Variants in SGCD observed in about 807,000 individuals in gnomAD.
The protein encoded by SGCD is delta-sarcoglycan.
A neutral mutation model predicts 36.6 loss-of-function variants in SGCD; 18 were observed. The observed-to-expected ratio is 0.49, with a 90% CI of 0.34 to 0.73. SGCD has a LOEUF of 0.73. Ranked by LOEUF, SGCD falls within the 30% of genes least tolerant of loss-of-function variation. SGCD has a pLI of 0.01. For missense variants in SGCD, 387 were observed against 346.7 expected (o/e 1.12, Z -0.92); for synonymous variants, 133 against 130.6 (o/e 1.02, Z -0.12).
intron 1 of SGCD, among the ~76,000 whole-genome samples, chr5:155,986,218 A>T (rs1340259976): frequency 3.3e-5 from 5 of 152,144 alleles, no homozygotes; most frequent in Admixed American, 2.6e-4. Context: ...TCTTTCTTGG[A>T]AATGGTGTAC....
the SGCD span, among the ~76,000 whole-genome samples, chr5:155,819,896 A>G: frequency 6.6e-6 from 1 of 152,240 alleles, no homozygotes; most frequent in South Asian, 2.1e-4. Context: ...CAGAAGTATC[A>G]TTATAACTAA....
the SGCD span, among the ~76,000 whole-genome samples, chr5:155,730,857 A>G: frequency 6.6e-6 from 1 of 152,244 alleles, no homozygotes; most frequent in South Asian, 2.1e-4. Context: ...CCTCCTAAGG[A>G]GCGCCCTCCT....
At chr5:156,155,616 A>G (rs912382091) in intron 3 of SGCD, among the ~76,000 whole-genome samples, 1 of 148,624 alleles carries the variant, frequency 6.7e-6, no homozygotes, top group Non-Finnish European at 1.5e-5. Flanking sequence ...GGGCTAGGAA[A>G]AAAAAAAAAA....
the SGCD span, among the ~76,000 whole-genome samples, chr5:155,849,850 T>C: frequency 6.6e-6 from 1 of 152,224 alleles, no homozygotes; most frequent in African/African-American, 2.4e-5. Context: ...TTAGTGAAGG[T>C]ACAAAACTAT....
At chr5:156,425,578 A>G (rs991245095) in intron 3 of SGCD, among the ~76,000 whole-genome samples, 3 of 151,176 alleles carry the variant, frequency 2.0e-5, no homozygotes, top group East Asian at 1.9e-4. Flanking sequence ...TTTAATTTCC[A>G]TAGTTTTGGG....
chr5:156,728,731 C>T (rs1002407817), intron 7 of SGCD, among the ~76,000 whole-genome samples: 1 of 151,890 alleles, frequency 6.6e-6, no homozygotes, highest in Admixed American at 6.6e-5. Flanking sequence ...TCACCGTGCA[C>T]AATGGTCTGT....
intron 3 of SGCD, among the ~76,000 whole-genome samples, chr5:156,147,180 C>T (rs1762725515): frequency 6.6e-6 from 1 of 152,184 alleles, no homozygotes; most frequent in Admixed American, 6.5e-5. Context: ...GGTAATAGTA[C>T]TGTAACCTTG....
chr5:156,727,947 C>CAACA (rs1755860596), intron 7 of SGCD, among the ~76,000 whole-genome samples: 2 of 152,188 alleles, frequency 1.3e-5, no homozygotes, highest in Non-Finnish European at 2.9e-5. Flanking sequence ...ATAAACAATA[C>CAACA]AACAGCTAAC....
intron 6 of SGCD, among the ~76,000 whole-genome samples, chr5:156,610,748 C>T (rs991584941): frequency 6.6e-6 from 1 of 152,214 alleles, no homozygotes; most frequent in Non-Finnish European, 1.5e-5. Flanking sequence ...AAGGTGGGCG[C>T]CCCTCCCCCA....
At chr5:156,113,318 ATTT>A (rs537735951) in intron 1 of SGCD, among the ~76,000 whole-genome samples, 1 of 152,058 alleles carries the variant, frequency 6.6e-6, no homozygotes, top group African/African-American at 2.4e-5. Context: ...TGGAGGGAAG[ATTT>A]TTTTCCTTTG....
At chr5:155,770,222 G>A in the SGCD span, among the ~76,000 whole-genome samples, 1 of 152,148 alleles carries the variant, frequency 6.6e-6, no homozygotes, top group Admixed American at 6.5e-5. Flanking sequence ...GAAGCACTGG[G>A]GAGAGACCAA....
chr5:155,868,127 C>T (rs912275133), upstream of SGCD, among the ~76,000 whole-genome samples: 4 of 151,932 alleles, frequency 2.6e-5, no homozygotes, highest in African/African-American at 9.7e-5. Flanking sequence ...TCATGACTCA[C>T]TACAACCTCT....
At chr5:155,990,184 T>C (rs1019900566) in intron 1 of SGCD, among the ~76,000 whole-genome samples, 1 of 152,174 alleles carries the variant, frequency 6.6e-6, no homozygotes, top group African/African-American at 2.4e-5. Context: ...ATTCACTGTT[T>C]TTTAAACTAA....
At chr5:156,176,273 T>G (rs1336700869) in intron 3 of SGCD, among the ~76,000 whole-genome samples, 4 of 152,134 alleles carry the variant, frequency 2.6e-5, no homozygotes, top group Non-Finnish European at 5.9e-5. Context: ...AGTTTTTATA[T>G]TTTAATATGC....
rs184745933 is a variant in SGCD, at chr5:156,692,345, C to T, written c.575+44809C>T. On this transcript the variant is annotated intron_variant, in intron 7 of 8. Transcript: ENST00000337851. ...TATTAATGTCTGCCATGGGTGACAGCGTGGGGAGATATGGCACAAGTGCTA... is the reference window on the plus strand; with the variant it reads ...TATTAATGTCTGCCATGGGTGACAGTGTGGGGAGATATGGCACAAGTGCTA... Among the ~76,000 whole-genome samples, 335 of 152,204 alleles carry T rather than the reference C, an allele frequency of 2.2e-3. 1 individual carries two copies. The highest frequency in any genetic ancestry group is 0.014 in the Middle Eastern group (4 of 292).
chr5:156,257,034 G>T (rs982094145), intron 3 of SGCD, among the ~76,000 whole-genome samples: 3 of 151,964 alleles, frequency 2.0e-5, no homozygotes, highest in Admixed American at 6.6e-5. Context: ...TTAAAAATTA[G>T]CCAGGCATGG....
chr5:156,681,786 C>T (rs1753732626), intron 7 of SGCD, among the ~76,000 whole-genome samples: 1 of 152,184 alleles, frequency 6.6e-6, no homozygotes, highest in South Asian at 2.1e-4. Flanking sequence ...CCATAGTCAT[C>T]ATTAGAATGG....
At chr5:156,542,786 T>G (rs2113156672) in intron 4 of SGCD, among the ~76,000 whole-genome samples, 1 of 152,272 alleles carries the variant, frequency 6.6e-6, no homozygotes, top group East Asian at 1.9e-4. Flanking sequence ...AACCACATCC[T>G]TAGGTTCTGC....
chr5:156,146,749 A>C (rs1010205168), intron 3 of SGCD, among the ~76,000 whole-genome samples: 2 of 152,220 alleles, frequency 1.3e-5, no homozygotes, highest in Non-Finnish European at 2.9e-5. Context: ...TAGTGAGCTA[A>C]CCACTAGAGA....
Sources: allele counts gnomAD v4.1 joint callset (sites outside exome capture counted in the v4.1 genomes callset), GRCh38; gene constraint gnomAD v4.1.1; transcripts MANE v1.5; gene names NCBI Gene and HGNC (gene_info 2026-07-23, HGNC 2026-07-21).